DPYS: variants seen among roughly 807,000 people sequenced by gnomAD.
DPYS encodes dihydropyrimidine amidohydrolase.
Under a neutral mutation model 50.3 loss-of-function variants are expected in DPYS, and 39 were observed. The ratio of observed to expected loss-of-function variants is 0.78; its 90% confidence interval spans 0.60 to 1.01. DPYS has a LOEUF of 1.01. DPYS is among the 50% of genes least tolerant of loss of function. The pLI is 0.00. For synonymous variants in DPYS, 245 were observed against 250.7 expected (o/e 0.98, Z 0.22); for missense variants, 659 against 680.9 (o/e 0.97, Z 0.36).
At chr8:104,387,453 C>T (rs1236617260) in intron 8 of DPYS, among the ~76,000 whole-genome samples, 1 of 152,082 alleles carries the variant, frequency 6.6e-6, no homozygotes, top group Non-Finnish European at 1.5e-5. Context: ...GGAAGTGAAC[C>T]CTCTGTGCAG....
At position 104,405,095 on chromosome 8, in the gene DPYS, G is replaced by A. The variant is rs145954163; in HGVS notation, c.1236-12104C>T. 2.0e-3 allele frequency among the ~76,000 whole-genome samples: 308 copies of A among 152,318 alleles called. 1 individual carries two copies. The highest frequency in any genetic ancestry group is 5.5e-3 in the African/African-American group (230 of 41,586). On this transcript the variant is annotated intron_variant, in intron 7 of 9. Transcript: ENST00000351513. ...ACAAAAGGGATGGGGAAAAAAAAGT[G>A]ACCACTAAAAGTTGCAGTGGCAGAG...
chr8:104,396,749 T>C (rs1012468168), intron 7 of DPYS, among the ~76,000 whole-genome samples: 7 of 152,012 alleles, frequency 4.6e-5, no homozygotes, highest in East Asian at 3.9e-4. Context: ...TGTTATACTG[T>C]TTCCTTGATG....
chr8:104,398,832 C>A (rs1156853082), intron 7 of DPYS, among the ~76,000 whole-genome samples: 1 of 152,140 alleles, frequency 6.6e-6, no homozygotes, highest in African/African-American at 2.4e-5. Context: ...TGAAACATCC[C>A]CCAGGTTCTT....
In DPYS at chr8:104,416,760, T is replaced by C. The variant is rs938296856; in HGVS notation, c.1235+7487A>G. On this transcript the variant is annotated intron_variant, in intron 7 of 9. Transcript: ENST00000351513. ...CACAATGTGCAACTTCAAGGGAAAA[T>C]GCTTCATAGCTTCTGTGAAACAGTC... Among the ~76,000 whole-genome samples, 8 of 152,050 alleles carry C rather than the reference T, an allele frequency of 5.3e-5. No homozygotes were observed. The East Asian group carries it at 5.8e-4, about 11-fold the overall frequency.
At chr8:104,428,375 C>T (rs1564098891) in intron 5 of DPYS, among the ~76,000 whole-genome samples, 1 of 152,238 alleles carries the variant, frequency 6.6e-6, no homozygotes, top group Non-Finnish European at 1.5e-5. Flanking sequence ...AGCTCAGCTC[C>T]ATCACTTAAC....
chr8:104,398,290 G>A (rs1811657140), intron 7 of DPYS, among the ~76,000 whole-genome samples: 1 of 152,240 alleles, frequency 6.6e-6, no homozygotes, highest in African/African-American at 2.4e-5. Flanking sequence ...TTTAGGGCCA[G>A]CTGTGACAGA....
At chr8:104,415,595 T>TA (rs1812337421) in intron 7 of DPYS, among the ~76,000 whole-genome samples, 1 of 150,716 alleles carries the variant, frequency 6.6e-6, no homozygotes, top group Non-Finnish European at 1.5e-5. Context: ...TTTTTTTTTT[T>TA]AAAGCAAATG....
At chr8:104,454,097 G>T (rs373722897) in intron 1 of DPYS, among the ~76,000 whole-genome samples, 4 of 152,144 alleles carry the variant, frequency 2.6e-5, no homozygotes, top group African/African-American at 9.7e-5. Flanking sequence ...GGTATCAAAA[G>T]TGTTCTGGCT....
At chr8:104,395,037 T>C (rs1811532358) in intron 7 of DPYS, among the ~76,000 whole-genome samples, 1 of 151,922 alleles carries the variant, frequency 6.6e-6, no homozygotes, top group Non-Finnish European at 1.5e-5. Flanking sequence ...TCTTGTTGCC[T>C]AGGCTGGAAG....
chr8:104,457,997 C>A (rs1188575250), intron 1 of DPYS, among the ~76,000 whole-genome samples: 1 of 152,140 alleles, frequency 6.6e-6, no homozygotes, highest in East Asian at 1.9e-4. Context: ...CCCGGTGCCA[C>A]CTTCGTCTTC....
chr8:104,397,960 CCAAA>C (rs762629407), intron 7 of DPYS, among the ~76,000 whole-genome samples: 20 of 152,206 alleles, frequency 1.3e-4, no homozygotes, highest in Admixed American at 4.6e-4. Context: ...CAGATCACTA[CCAAA>C]CAGTGTTTAA....
In DPYS at chr8:104,428,031, A is replaced by G. The variant is rs1364764346; in HGVS notation, c.1041T>C (p.Asn347=). The change falls in exon 6 of 10, where the codon AAT becomes AAC. Residue 347 remains asparagine, a synonymous_variant. Transcript: ENST00000351513. ...LGKDDFTKIP[N]GVNGVEDRMS... ...TCCGATCTTCAACACCATTCACCCC[A>G]TTGGGGATCTTGGTAAAATCATCCT... 1 of 1,614,204 alleles carries G rather than the reference A, an allele frequency of 6.2e-7. No homozygotes were observed. The highest frequency in any genetic ancestry group is 8.5e-7 in the Non-Finnish European group (1 of 1,180,020).
chr8:104,449,968 C>T (rs956449966), intron 2 of DPYS, among the ~76,000 whole-genome samples: 1 of 152,132 alleles, frequency 6.6e-6, no homozygotes, highest in African/African-American at 2.4e-5. Context: ...GAATAACCCC[C>T]CTGAACAGAA....
intron 1 of DPYS, among the ~76,000 whole-genome samples, chr8:104,463,757 T>C (rs1814251933): frequency 6.6e-6 from 1 of 152,216 alleles, no homozygotes; most frequent in Non-Finnish European, 1.5e-5. Flanking sequence ...ACAACCAGTA[T>C]TTACAAAAGG....
chr8:104,459,388 A>G (rs1022461742), intron 1 of DPYS, among the ~76,000 whole-genome samples: 1 of 152,208 alleles, frequency 6.6e-6, no homozygotes, highest in Non-Finnish European at 1.5e-5. Context: ...AGAGACCCAT[A>G]TACCTCTAGT....
At chr8:104,426,290 C>T (rs1812717972) in intron 6 of DPYS, among the ~76,000 whole-genome samples, 1 of 152,154 alleles carries the variant, frequency 6.6e-6, no homozygotes. Context: ...AATGAGAACT[C>T]CCATTCAAAA....
intron 3 of DPYS, among the ~76,000 whole-genome samples, chr8:104,446,595 G>A (rs1813538048): frequency 6.6e-6 from 1 of 152,158 alleles, no homozygotes; most frequent in South Asian, 2.1e-4. Flanking sequence ...TAAAGCAGAA[G>A]TCCAATTTAA....
In DPYS at chr8:104,392,927, G is replaced by A. The variant is rs1811445685; in HGVS notation, c.1300C>T (p.His434Tyr). The change falls in exon 8 of 10, where the codon CAC becomes TAC. Residue 434 changes from histidine to tyrosine, a missense_variant. By Grantham distance (83) the His-to-Tyr change is moderately conservative. Coordinates refer to ENST00000351513, the MANE Select transcript of DPYS (RefSeq NM_001385.3). ...NFNIFEGMVC[H>Y]GVPLVTISRG... ...GAAATAGTCACAAGGGGCACCCCGT[G>A]GCAAACCATGCCCTCGAAAATGTTG... 2 of 1,614,046 alleles carry A rather than the reference G, an allele frequency of 1.2e-6. No homozygotes were observed. The highest frequency in any genetic ancestry group is 2.7e-5 in the African/African-American group (2 of 74,914).
intron 2 of DPYS, among the ~76,000 whole-genome samples, chr8:104,450,795 G>T (rs1205461100): frequency 1.2e-4 from 19 of 152,154 alleles, no homozygotes; most frequent in Admixed American, 1.2e-3. Context: ...GGGAAGGCAG[G>T]CTTCTAGTTC....
Sources: gnomAD v4.1 joint callset for allele counts (sites outside exome capture counted in the v4.1 genomes callset) on GRCh38, gnomAD v4.1.1 for gene constraint, MANE v1.5 for transcripts, NCBI Gene and HGNC (gene_info 2026-07-23, HGNC 2026-07-21) for gene names.